The following PTPRG variants were observed in gnomAD, a reference collection of about 807,000 sequenced individuals.
PTPRG encodes receptor-type tyrosine-protein phosphatase gamma.
In PTPRG, 102 loss-of-function variants were observed where a neutral mutation model predicts 165.3. That is an observed-to-expected ratio of 0.62 (90% CI 0.53 to 0.73). PTPRG has a LOEUF of 0.73. PTPRG is among the 30% of genes least tolerant of loss of function. PTPRG has a pLI of 0.00. For missense variants in PTPRG, 1,866 were observed against 1,861.4 expected, an observed-to-expected ratio of 1.00 and a Z score of -0.05; for synonymous variants, 675 against 669.5, an observed-to-expected ratio of 1.01 and a Z score of -0.13.
intron 2 of PTPRG, among the ~76,000 whole-genome samples, chr3:61,855,649 G>GT (rs1197543583): frequency 7.6e-6 from 1 of 131,528 alleles, no homozygotes; most frequent in Non-Finnish European, 1.6e-5. Flanking sequence ...GAAAGGGTAG[G>GT]CCTTTTTTTT....
chr3:62,147,716 T>G (rs1487361011), intron 6 of PTPRG, among the ~76,000 whole-genome samples: 3 of 152,190 alleles, frequency 2.0e-5, no homozygotes, highest in African/African-American at 7.2e-5. Flanking sequence ...TTCACATAAT[T>G]ATTAGGCACC....
intron 2 of PTPRG, among the ~76,000 whole-genome samples, chr3:61,819,951 A>C (rs1473762990): frequency 6.6e-6 from 1 of 152,190 alleles, no homozygotes; most frequent in Non-Finnish European, 1.5e-5. Flanking sequence ...TTGGATTTTT[A>C]GGAACGGATC....
intron 3 of PTPRG, among the ~76,000 whole-genome samples, chr3:61,990,806 C>G (rs2040867220): frequency 6.6e-6 from 1 of 152,020 alleles, no homozygotes; most frequent in South Asian, 2.1e-4. Context: ...TAATCCCTTT[C>G]AGGAGCCTTG....
intron 6 of PTPRG, among the ~76,000 whole-genome samples, chr3:62,133,437 G>C (rs1439546629): frequency 1.3e-5 from 2 of 152,190 alleles, no homozygotes; most frequent in Admixed American, 1.3e-4. Flanking sequence ...CCACAGCTGT[G>C]ATAAAACATC....
At chr3:62,282,577 A>G (rs1702494035) in intron 27 of PTPRG, 150 bp from the exon 28 acceptor site, 3 of 704,230 alleles carry the variant, frequency 4.3e-6, no homozygotes, top group South Asian at 7.3e-5. Flanking sequence ...CCTTCCTGGT[A>G]TTTTTCTTCT....
chr3:61,810,402 G>A (rs1167594662), intron 2 of PTPRG, among the ~76,000 whole-genome samples: 1 of 152,172 alleles, frequency 6.6e-6, no homozygotes, highest in Admixed American at 6.5e-5. Context: ...AGAATCTGAG[G>A]TAAGGAAGGA....
intron 1 of PTPRG, among the ~76,000 whole-genome samples, chr3:61,623,763 G>T (rs752504139): frequency 1.3e-5 from 2 of 152,190 alleles, no homozygotes; most frequent in African/African-American, 2.4e-5. Context: ...AAAACCTTCA[G>T]TTGCTGTTTG....
chr3:61,826,562 C>T (rs544518375), intron 2 of PTPRG, among the ~76,000 whole-genome samples: 1 of 151,818 alleles, frequency 6.6e-6, no homozygotes, highest in African/African-American at 2.4e-5. Context: ...TTCCCCTCTT[C>T]CCTACTTTTG....
intron 8 of PTPRG, among the ~76,000 whole-genome samples, chr3:62,181,447 T>G (rs1705646177): frequency 6.6e-6 from 1 of 152,196 alleles, no homozygotes; most frequent in Non-Finnish European, 1.5e-5. Flanking sequence ...AGCCTCCTTT[T>G]TTCCTCTTTC....
chr3:61,898,294 A>G (rs1417684575), intron 2 of PTPRG, among the ~76,000 whole-genome samples: 1 of 152,148 alleles, frequency 6.6e-6, no homozygotes, highest in Non-Finnish European at 1.5e-5. Context: ...GGCTCAAGAA[A>G]TCCTCCCACC....
At chr3:62,183,090 T>C (rs1705724749) in intron 8 of PTPRG, among the ~76,000 whole-genome samples, 1 of 152,220 alleles carries the variant, frequency 6.6e-6, no homozygotes, top group African/African-American at 2.4e-5. Flanking sequence ...ACCAAAGCAG[T>C]CTGACCCTAG....
intron 2 of PTPRG, among the ~76,000 whole-genome samples, chr3:61,908,744 C>T (rs983770236): frequency 6.6e-6 from 1 of 152,162 alleles, no homozygotes; most frequent in African/African-American, 2.4e-5. Context: ...TACCACCAAT[C>T]TACATAAAAA....
intron 4 of PTPRG, among the ~76,000 whole-genome samples, chr3:62,024,417 A>T (rs1405031604): frequency 6.6e-6 from 1 of 152,170 alleles, no homozygotes; most frequent in African/African-American, 2.4e-5. Context: ...AAGAAAAAGG[A>T]ATAGAGCATA....
intron 4 of PTPRG, among the ~76,000 whole-genome samples, chr3:62,061,773 C>T (rs909511608): frequency 3.3e-5 from 4 of 120,302 alleles, no homozygotes; most frequent in East Asian, 2.1e-4. Flanking sequence ...GGATTATAGG[C>T]GCCCGCCACC....
intron 2 of PTPRG, among the ~76,000 whole-genome samples, chr3:61,764,350 A>C (rs994344918): frequency 1.3e-5 from 2 of 152,174 alleles, no homozygotes; most frequent in Non-Finnish European, 2.9e-5. Flanking sequence ...ATTCAGTAAA[A>C]GTGTTTATCA....
intron 1 of PTPRG, among the ~76,000 whole-genome samples, chr3:61,595,187 T>C (rs4621322): frequency 0.72 from 108,659 of 150,146 alleles, 40,275 homozygotes; most frequent in South Asian, 0.91. Flanking sequence ...ATGTGTTTGT[T>C]TTTTTTTTTT....
intron 2 of PTPRG, among the ~76,000 whole-genome samples, chr3:61,815,242 CAAA>C (rs749800087): frequency 0.082 from 9,032 of 110,102 alleles, 571 homozygotes; most frequent in African/African-American, 0.18. Flanking sequence ...ACTAAAAATA[CAAA>C]AAAAAAAAAA....
intron 2 of PTPRG, among the ~76,000 whole-genome samples, chr3:61,860,664 G>C (rs1022329199): frequency 6.6e-6 from 1 of 151,846 alleles, no homozygotes; most frequent in Non-Finnish European, 1.5e-5. Context: ...GACTGGTCTC[G>C]AACTCCTGAC....
chr3:62,094,022 G>A (rs537014844), intron 5 of PTPRG, among the ~76,000 whole-genome samples: 1 of 152,272 alleles, frequency 6.6e-6, no homozygotes, highest in South Asian at 2.1e-4. Context: ...TTGTTTCTGT[G>A]TGCCAGTTCA....
Sources: gnomAD v4.1 joint callset for allele counts (sites outside exome capture counted in the v4.1 genomes callset) on GRCh38, gnomAD v4.1.1 for gene constraint, MANE v1.5 for transcripts, NCBI Gene and HGNC (gene_info 2026-07-23, HGNC 2026-07-21) for gene names.